SWAP70: variants seen among roughly 807,000 people sequenced by gnomAD.
SWAP70 encodes the protein switch-associated protein 70.
Under a neutral mutation model 80.2 loss-of-function variants are expected in SWAP70, and 34 were observed. The observed-to-expected ratio is 0.42, with a 90% CI of 0.32 to 0.56. The LOEUF (loss-of-function observed/expected upper bound fraction) is 0.56, where lower values mean the gene tolerates loss of function less well. Ranked by LOEUF, SWAP70 falls within the 20% of genes least tolerant of loss-of-function variation. The pLI, the probability that SWAP70 is intolerant of heterozygous loss-of-function variation, is 0.09. For missense variants in SWAP70, 578 were observed against 690.7 expected, an observed-to-expected ratio of 0.84 and a Z score of 1.83; for synonymous variants, 239 against 238.5, an observed-to-expected ratio of 1.00 and a Z score of -0.02.
At chr11:9,669,524 C>T (rs1850348355) in intron 1 of SWAP70, among the ~76,000 whole-genome samples, 1 of 152,108 alleles carries the variant, frequency 6.6e-6, no homozygotes, top group African/African-American at 2.4e-5. Context: ...GCGACCACGC[C>T]CAGCCTAATT....
At chr11:9,705,238 A>G (rs61878109) in intron 2 of SWAP70, among the ~76,000 whole-genome samples, 8 of 135,978 alleles carry the variant, frequency 5.9e-5, no homozygotes, top group Non-Finnish European at 9.2e-5. Flanking sequence ...GGTGATATGT[A>G]TATACTTGGT....
intron 2 of SWAP70, among the ~76,000 whole-genome samples, chr11:9,707,457 C>T (rs1283150210): frequency 6.6e-6 from 1 of 151,942 alleles, no homozygotes; most frequent in Admixed American, 6.6e-5. Context: ...ATAGTGTCCT[C>T]AGGGTTCTTC....
At chr11:9,694,986 C>A (rs1307873587) in intron 2 of SWAP70, among the ~76,000 whole-genome samples, 1 of 152,116 alleles carries the variant, frequency 6.6e-6, no homozygotes, top group African/African-American at 2.4e-5. Flanking sequence ...AGAAATCATT[C>A]TACTATAAAG....
In SWAP70 at chr11:9,717,861, T is replaced by A. The variant is rs574999062; in HGVS notation, c.414+4222T>A. On this transcript the variant is annotated intron_variant, in intron 3 of 11. Transcript: ENST00000318950. ...TCAGAATTAGAAATTAGTGAGTGTT[T>A]TTATTGCCTTAGGCAGCACTTGCTT... is the stretch of plus-strand genomic sequence containing the variant. Among the ~76,000 whole-genome samples the A allele has an allele frequency of 5.2e-4, 79 of 152,316 alleles. 1 individual carries two copies. In the South Asian group the frequency reaches 0.016, roughly 31 times the overall value.
intron 6 of SWAP70, among the ~76,000 whole-genome samples, chr11:9,731,615 A>G (rs926749960): frequency 6.6e-6 from 1 of 152,190 alleles, no homozygotes; most frequent in Non-Finnish European, 1.5e-5. Context: ...GCAGTACTTT[A>G]TGTATAGTAC....
chr11:9,700,246 G>T (rs1850814653), intron 2 of SWAP70, among the ~76,000 whole-genome samples: 1 of 152,120 alleles, frequency 6.6e-6, no homozygotes, highest in Non-Finnish European at 1.5e-5. Flanking sequence ...TATTCACGGA[G>T]GGAATGAGGA....
chr11:9,720,580 CACACATGTGGCTAT>C, intron 3 of SWAP70: 1 of 678,614 alleles, frequency 1.5e-6, no homozygotes, highest in Non-Finnish European at 1.8e-6. Context: ...TCATACTGCA[CACACATGTGGCTAT>C]ACACATGTGC....
At position 9,670,819 on chromosome 11, in the gene SWAP70, T is replaced by C. The variant is rs1435308692; in HGVS notation, c.99+6541T>C. ...CCCAGGCTGGAGCACAGTGGGGCCATCTCGGCTCACTGCAACCTTCACCTC... is the reference window on the plus strand; with the variant it reads ...CCCAGGCTGGAGCACAGTGGGGCCACCTCGGCTCACTGCAACCTTCACCTC... On this transcript the variant is annotated intron_variant, in intron 1 of 11. Coordinates refer to ENST00000318950, the MANE Select transcript of SWAP70 (RefSeq NM_015055.4). Among the ~76,000 whole-genome samples the C allele has an allele frequency of 2.0e-5, 3 of 151,944 alleles. No individual in the cohort carries two copies. In the East Asian group the frequency reaches 5.8e-4, roughly 29 times the overall value.
At chr11:9,706,786 C>A (rs1850920657) in intron 2 of SWAP70, among the ~76,000 whole-genome samples, 1 of 151,944 alleles carries the variant, frequency 6.6e-6, no homozygotes, top group South Asian at 2.1e-4. Flanking sequence ...CATGTCATAT[C>A]TTGGTGATTA....
At chr11:9,687,656 G>A (rs1439183263) in intron 1 of SWAP70, among the ~76,000 whole-genome samples, 1 of 152,084 alleles carries the variant, frequency 6.6e-6, no homozygotes, top group African/African-American at 2.4e-5. Context: ...GACATCAGTG[G>A]CATATATTCT....
At chr11:9,705,429 T>C (rs1250345235) in intron 2 of SWAP70, among the ~76,000 whole-genome samples, 1 of 139,682 alleles carries the variant, frequency 7.2e-6, no homozygotes, top group East Asian at 2.1e-4. Flanking sequence ...TGGTGATCTG[T>C]ATACACTGGT....
At chr11:9,691,257 CCTTA>C (rs1465488139) in intron 1 of SWAP70, among the ~76,000 whole-genome samples, 7 of 152,126 alleles carry the variant, frequency 4.6e-5, no homozygotes, top group African/African-American at 2.4e-5. Flanking sequence ...CTTTTATAGA[CCTTA>C]CTAACAGTGA....
intron 8 of SWAP70, among the ~76,000 whole-genome samples, chr11:9,738,688 CAAAAAAAAAA>C (rs10533145): frequency 2.0e-5 from 2 of 98,510 alleles, no homozygotes; most frequent in African/African-American, 8.0e-5. Flanking sequence ...GCAATATCTA[CAAAAAAAAAA>C]AAAAAAAAAA....
chr11:9,709,670 G>A (rs964356222), intron 2 of SWAP70, among the ~76,000 whole-genome samples: 4 of 152,072 alleles, frequency 2.6e-5, no homozygotes, highest in Middle Eastern at 3.4e-3. Flanking sequence ...AGTATTTTTG[G>A]TAGAGACAGG....
At chr11:9,709,126 A>AT (rs60202287) in intron 2 of SWAP70, among the ~76,000 whole-genome samples, 52,439 of 150,908 alleles carry the variant, frequency 0.35, 9,427 homozygotes, top group African/African-American at 0.42. Context: ...CCCAGGTTGG[A>AT]TTTTTTTTTC....
rs1169320675 is a variant in SWAP70 at position 9,708,299 on chromosome 11, A to T, written c.241-5167A>T. Among the ~76,000 whole-genome samples the T allele has an allele frequency of 5.3e-5, 8 of 152,304 alleles. No homozygotes were observed. The South Asian group carries it at 1.7e-3, about 32-fold the overall frequency. ...TCGAATTTCTCCACATCCTAACAAT[A>T]ACACTTGTTATTTTCTGGTTTTTTT... On this transcript the variant is annotated intron_variant, in intron 2 of 11. Transcript: ENST00000318950.
At chr11:9,712,086 A>G (rs974332877) in intron 2 of SWAP70, among the ~76,000 whole-genome samples, 3 of 152,128 alleles carry the variant, frequency 2.0e-5, no homozygotes, top group African/African-American at 7.2e-5. Flanking sequence ...TCTTTCTGCG[A>G]ATCTTTCCCC....
intron 2 of SWAP70, among the ~76,000 whole-genome samples, chr11:9,696,333 A>T (rs953098636): frequency 6.6e-5 from 10 of 152,224 alleles, no homozygotes; most frequent in African/African-American, 2.4e-4. Context: ...AAAATTGGTG[A>T]TGAAAAAGTT....
intron 1 of SWAP70, among the ~76,000 whole-genome samples, chr11:9,686,574 C>G (rs1850635816): frequency 6.6e-6 from 1 of 151,884 alleles, no homozygotes; most frequent in Non-Finnish European, 1.5e-5. Flanking sequence ...GTCTTGAACT[C>G]CTGGGCTCAA....
Sources: gnomAD v4.1 joint callset for allele counts (sites outside exome capture counted in the v4.1 genomes callset) on GRCh38, gnomAD v4.1.1 for gene constraint, MANE v1.5 for transcripts, NCBI Gene and HGNC (gene_info 2026-07-23, HGNC 2026-07-21) for gene names.